The following TXNRD1 variants were observed in gnomAD, a reference collection of about 807,000 sequenced individuals.
TXNRD1 encodes the protein thioredoxin reductase 1, also known as thioredoxin reductase 1, cytoplasmic.
Under a neutral mutation model 80.3 loss-of-function variants are expected in TXNRD1, and 57 were observed. That is an observed-to-expected ratio of 0.71 (90% CI 0.57 to 0.89). The LOEUF (loss-of-function observed/expected upper bound fraction) is 0.89, where lower values mean the gene tolerates loss of function less well. Ranked by LOEUF, TXNRD1 falls within the 40% of genes least tolerant of loss-of-function variation. The pLI is 0.00. For synonymous variants in TXNRD1, 291 were observed against 285.2 expected (o/e 1.02, Z -0.20); for missense variants, 730 against 803.0 (o/e 0.91, Z 1.10).
intron 1 of TXNRD1, among the ~76,000 whole-genome samples, chr12:104,228,815 G>A (rs1330701948): frequency 6.6e-6 from 1 of 151,866 alleles, no homozygotes; most frequent in Admixed American, 6.6e-5. Flanking sequence ...CGCCTCCCGG[G>A]TTCACGCCAT....
chr12:104,304,078 G>A (rs1321246669), intron 4 of TXNRD1: 2 of 1,613,874 alleles, frequency 1.2e-6, no homozygotes, highest in Admixed American at 1.7e-5. Context: ...GGCAGCTCAT[G>A]TACTGCGTGC....
intron 1 of TXNRD1, among the ~76,000 whole-genome samples, chr12:104,241,362 T>C (rs868798181): frequency 2.0e-5 from 3 of 151,824 alleles, no homozygotes; most frequent in South Asian, 2.1e-4. Context: ...CTCTCACAGA[T>C]GAGAAAAGTC....
chr12:104,241,937 A>ATTTTTTTTTTTTTTTTT (rs747774973), intron 1 of TXNRD1, among the ~76,000 whole-genome samples: 4 of 96,082 alleles, frequency 4.2e-5, no homozygotes, highest in Non-Finnish European at 7.4e-5. Flanking sequence ...TATACTAATG[A>ATTTTTTTTTTTTTTTTT]TTTTTTTTTT....
chr12:104,259,963 C>T (rs2033330800), intron 3 of TXNRD1, among the ~76,000 whole-genome samples: 1 of 152,182 alleles, frequency 6.6e-6, no homozygotes, highest in African/African-American at 2.4e-5. Context: ...GTCACCTATC[C>T]TCACATGAAC....
chr12:104,334,356 C>T (rs1476908387), intron 15 of TXNRD1, 24 bp downstream of exon 15: 1 of 1,316,344 alleles, frequency 7.6e-7, no homozygotes, highest in Non-Finnish European at 1.0e-6. Context: ...TCAATCCTTT[C>T]CAGTAATTTT....
chr12:104,265,612 A>G, intron 3 of TXNRD1: 1 of 1,607,326 alleles, frequency 6.2e-7, no homozygotes, highest in Non-Finnish European at 8.5e-7. Flanking sequence ...GGACCTGACC[A>G]CCGCAGGCGC....
At chr12:104,279,359 T>C (rs2033827807) in intron 3 of TXNRD1, among the ~76,000 whole-genome samples, 1 of 152,130 alleles carries the variant, frequency 6.6e-6, no homozygotes, top group Admixed American at 6.5e-5. Flanking sequence ...CTCTGTTGGT[T>C]TTCCCAAGGA....
chr12:104,234,462 T>G (rs1340370851), intron 1 of TXNRD1, among the ~76,000 whole-genome samples: 1 of 151,756 alleles, frequency 6.6e-6, no homozygotes, highest in Non-Finnish European at 1.5e-5. Flanking sequence ...GCCTGGCAAA[T>G]TTTTGTATTA....
chr12:104,347,019 T>C (rs1475774213), intron 16 of TXNRD1, among the ~76,000 whole-genome samples: 4 of 152,130 alleles, frequency 2.6e-5, no homozygotes, highest in African/African-American at 9.6e-5. Flanking sequence ...CGCTTGAACC[T>C]AGGAGGCAGA....
At chr12:104,251,721 T>C in intron 2 of TXNRD1, 43 bp downstream of exon 2, 2 of 1,595,052 alleles carry the variant, frequency 1.3e-6, no homozygotes, top group South Asian at 1.1e-5. Flanking sequence ...ATTGAAGGAA[T>C]TTGACAGACT....
intron 1 of TXNRD1, among the ~76,000 whole-genome samples, chr12:104,246,005 C>A (rs1440032844): frequency 6.8e-6 from 1 of 147,708 alleles, no homozygotes; most frequent in Admixed American, 6.9e-5. Flanking sequence ...CCCAGCTACT[C>A]GGGAGGTCAA....
At chr12:104,260,929 G>A (rs1034675314) in intron 3 of TXNRD1, among the ~76,000 whole-genome samples, 3 of 152,186 alleles carry the variant, frequency 2.0e-5, no homozygotes, top group Non-Finnish European at 4.4e-5. Context: ...CTAAGTGCTT[G>A]GGGAGCATGA....
chr12:104,215,924 G>A, intron 1 of TXNRD1, 31 bp downstream of exon 1: 1 of 1,531,890 alleles, frequency 6.5e-7, no homozygotes, highest in South Asian at 1.2e-5. Context: ...CTGGTCCCCA[G>A]GTCGACGGGC....
intron 4 of TXNRD1, chr12:104,303,633 T>G (rs2034735834): frequency 5.2e-6 from 2 of 386,958 alleles, no homozygotes; most frequent in Non-Finnish European, 9.2e-6. Context: ...GCCGCGCTGG[T>G]CTATGAGCGA....
At chr12:104,301,983 G>A (rs1252555795) in intron 4 of TXNRD1, among the ~76,000 whole-genome samples, 1 of 152,194 alleles carries the variant, frequency 6.6e-6, no homozygotes, top group Non-Finnish European at 1.5e-5. Context: ...TGCTGGGATA[G>A]TTTTAAATCT....
At chr12:104,293,905 G>C (rs1275398127) in intron 4 of TXNRD1, among the ~76,000 whole-genome samples, 1 of 152,194 alleles carries the variant, frequency 6.6e-6, no homozygotes, top group Non-Finnish European at 1.5e-5. Context: ...GTAAGGTCAC[G>C]TGGGTCATGT....
chr12:104,325,329 T>A lies in TXNRD1; in HGVS notation c.1216-8T>A, dbSNP rs760580361. 9.3e-6 allele frequency: 15 copies of A among 1,607,438 alleles called. No individual in the cohort carries two copies. The East Asian group carries it at 3.3e-4, about 36-fold the overall frequency. ...TTATTTCACAGTAAAACTTTATCAC[T>A]CTTACAGGTTGAACAAATTGAAGCA... On this transcript the variant is annotated splice_polypyrimidine_tract_variant and splice_region_variant and intron_variant, in intron 10 of 16. Transcript: ENST00000525566.
chr12:104,330,269 C>T (rs1241991998), intron 13 of TXNRD1, among the ~76,000 whole-genome samples: 2 of 152,176 alleles, frequency 1.3e-5, no homozygotes, highest in Non-Finnish European at 1.5e-5. Context: ...ATAAGTATAA[C>T]TGCTAGGCTT....
intron 1 of TXNRD1, among the ~76,000 whole-genome samples, chr12:104,221,492 T>G (rs574815416): frequency 6.6e-6 from 1 of 152,172 alleles, no homozygotes; most frequent in East Asian, 1.9e-4. Flanking sequence ...TAATTTTGTA[T>G]TTTTTGTAAA....
Sources: gnomAD v4.1 joint callset for allele counts (sites outside exome capture counted in the v4.1 genomes callset) on GRCh38, gnomAD v4.1.1 for gene constraint, MANE v1.5 for transcripts, NCBI Gene and HGNC (gene_info 2026-07-23, HGNC 2026-07-21) for gene names.